COLGALT2: variants seen among roughly 807,000 people sequenced by gnomAD.
COLGALT2 encodes procollagen galactosyltransferase 2.
A neutral mutation model predicts 73.4 loss-of-function variants in COLGALT2; 49 were observed. The observed-to-expected ratio is 0.67, with a 90% CI of 0.53 to 0.85. The LOEUF (loss-of-function observed/expected upper bound fraction) is 0.85, where lower values mean the gene tolerates loss of function less well. Ranked by LOEUF, COLGALT2 falls within the 40% of genes least tolerant of loss-of-function variation. The pLI is 0.00. For synonymous variants in COLGALT2, 295 were observed against 307.6 expected, an observed-to-expected ratio of 0.96 and a Z score of 0.43; for missense variants, 722 against 790.2, an observed-to-expected ratio of 0.91 and a Z score of 1.03.
At chr1:184,006,172 A>G (rs1672074770) in intron 1 of COLGALT2, among the ~76,000 whole-genome samples, 1 of 152,222 alleles carries the variant, frequency 6.6e-6, no homozygotes, top group African/African-American at 2.4e-5. Context: ...TTCCACTCCC[A>G]TATGTTGAAC....
intron 1 of COLGALT2, among the ~76,000 whole-genome samples, chr1:184,011,491 C>T (rs1648786401): frequency 6.6e-6 from 1 of 152,226 alleles, no homozygotes; most frequent in Admixed American, 6.5e-5. Flanking sequence ...TCCTTGTTTA[C>T]TGCCATCTGC....
intron 1 of COLGALT2, among the ~76,000 whole-genome samples, chr1:184,009,076 A>G (rs1195322229): frequency 1.3e-5 from 2 of 152,262 alleles, no homozygotes; most frequent in Non-Finnish European, 2.9e-5. Context: ...TAGTACAATT[A>G]AAGAGAACTC....
chr1:183,949,550 C>T (rs998037983), intron 8 of COLGALT2, among the ~76,000 whole-genome samples: 15 of 152,136 alleles, frequency 9.9e-5, no homozygotes, highest in African/African-American at 3.6e-4. Flanking sequence ...ATATGGATCC[C>T]TGCCTCATGC....
At chr1:183,967,173 C>T (rs1454319968) in intron 5 of COLGALT2, among the ~76,000 whole-genome samples, 2 of 152,224 alleles carry the variant, frequency 1.3e-5, no homozygotes, top group African/African-American at 4.8e-5. Context: ...CCACAGTTGT[C>T]AAGAAAGACC....
rs1233010887 is a variant in COLGALT2 at position 183,940,598 on chromosome 1, C to T, written c.1587G>A (p.Met529Ile). ...AGACTCACACGGGATGCTTGTTGTA[C>T]ATGACTGGCAGAAACTCATCCACTG... Reference protein sequence around the residue: ...MLPVDEFLPVMYNKHPVAEYK... With the variant: ...MLPVDEFLPVIYNKHPVAEYK... The change falls in exon 11 of 12, where the codon ATG becomes ATA. Residue 529 changes from methionine to isoleucine, a missense_variant. Physicochemically the swap from Met to Ile is conservative, Grantham distance 10. Transcript: ENST00000361927. 1 of 1,614,218 alleles carries T rather than the reference C, an allele frequency of 6.2e-7. No individual in the cohort carries two copies. Among genetic ancestry groups the T allele is most frequent in the Non-Finnish European group, 8.5e-7 (1 of 1,180,040 alleles).
At chr1:184,008,999 A>C (rs1359106257) in intron 1 of COLGALT2, among the ~76,000 whole-genome samples, 1 of 152,240 alleles carries the variant, frequency 6.6e-6, no homozygotes, top group Non-Finnish European at 1.5e-5. Flanking sequence ...AAATTATTTC[A>C]AAATAAAAAG....
At chr1:183,978,379 T>C (rs1011927729) in intron 2 of COLGALT2, 31 bp downstream of exon 2, 5 of 1,212,950 alleles carry the variant, frequency 4.1e-6, no homozygotes, top group East Asian at 2.3e-5. Context: ...GGGTAAATAA[T>C]GAGTTTACAA....
intron 1 of COLGALT2, among the ~76,000 whole-genome samples, chr1:184,034,565 TC>T (rs1256243200): frequency 6.6e-6 from 1 of 152,204 alleles, no homozygotes; most frequent in Non-Finnish European, 1.5e-5. Flanking sequence ...ACACTTTTTT[TC>T]AGCCCTGATC....
At position 183,938,825 on chromosome 1, in the gene COLGALT2, T is replaced by C. The variant is rs1670033445; in HGVS notation, c.1817A>G (p.Lys606Arg). The C allele has an allele frequency of 6.2e-7, 1 of 1,614,214 alleles. No homozygotes were observed. Among genetic ancestry groups the C allele is most frequent in the East Asian group, 2.2e-5 (1 of 44,888 alleles). Reference sequence around the variant, plus strand: ...TGGCGGTGGCAGGGCCTCTGTGTTCTTGGCATTGCTGTAGATGCGGCTTTG... The same window carrying C: ...TGGCGGTGGCAGGGCCTCTGTGTTCCTGGCATTGCTGTAGATGCGGCTTTG... ...RKQSRIYSNAKNTEALPPPTS... is the reference protein window; with the variant it reads ...RKQSRIYSNARNTEALPPPTS... The change falls in exon 12 of 12, where the codon AAG (lysine) becomes AGG (arginine). Residue 606 changes from lysine to arginine, a missense_variant. Physicochemically the swap from Lys to Arg is conservative, Grantham distance 26 (BLOSUM62 2). Transcript: ENST00000361927.
intron 1 of COLGALT2, among the ~76,000 whole-genome samples, chr1:184,005,965 C>G (rs762241737): frequency 2.0e-4 from 31 of 152,270 alleles, no homozygotes; most frequent in Non-Finnish European, 3.8e-4. Context: ...AAGAAAAAAG[C>G]TCTTCCCCTG....
At chr1:183,972,991 G>A (rs1443958895) in intron 4 of COLGALT2, among the ~76,000 whole-genome samples, 4 of 152,268 alleles carry the variant, frequency 2.6e-5, no homozygotes, top group Non-Finnish European at 4.4e-5. Context: ...GAGCCACCGC[G>A]CCTGGCATAT....
chr1:184,018,938 G>T (rs1649089654), intron 1 of COLGALT2, among the ~76,000 whole-genome samples: 1 of 152,158 alleles, frequency 6.6e-6, no homozygotes, highest in African/African-American at 2.4e-5. Flanking sequence ...CCATACATCT[G>T]CCTAAAGCAA....
At chr1:183,989,480 T>C (rs1361237470) in intron 1 of COLGALT2, among the ~76,000 whole-genome samples, 1 of 152,198 alleles carries the variant, frequency 6.6e-6, no homozygotes, top group Non-Finnish European at 1.5e-5. Context: ...AGGATCTCCC[T>C]GCTCTATTCT....
intron 1 of COLGALT2, among the ~76,000 whole-genome samples, chr1:183,984,984 G>A (rs1401903271): frequency 6.6e-6 from 1 of 150,658 alleles, no homozygotes; most frequent in African/African-American, 2.4e-5. Flanking sequence ...AGGATGAGAC[G>A]CTTTACTGCT....
Position 183,955,828 on chromosome 1 carries a change from C to T in COLGALT2, c.953-990G>A, listed in dbSNP as rs373363048. Among the ~76,000 whole-genome samples the T allele has an allele frequency of 5.1e-4, 77 of 152,280 alleles. 2 individuals are homozygous for T. The highest frequency in any genetic ancestry group is 1.6e-3 in the African/African-American group (68 of 41,536). ...TGGGTAATGGCCATGACTACTGTAA[C>T]GTATCTGTTCACCTCTATTCCAGGC... On this transcript the variant is annotated intron_variant, in intron 6 of 11. Transcript: ENST00000361927.
At chr1:183,945,140 A>G (rs1026013134) in intron 9 of COLGALT2, among the ~76,000 whole-genome samples, 2 of 152,232 alleles carry the variant, frequency 1.3e-5, no homozygotes, top group African/African-American at 4.8e-5. Context: ...GTGATGTCAT[A>G]ATAGGTATAA....
chr1:184,032,146 G>A (rs1033980868), intron 1 of COLGALT2, among the ~76,000 whole-genome samples: 3 of 151,758 alleles, frequency 2.0e-5, no homozygotes, highest in Admixed American at 6.6e-5. Flanking sequence ...TGCCCACCTC[G>A]GCCCCCCAAA....
intron 1 of COLGALT2, among the ~76,000 whole-genome samples, chr1:184,016,912 T>C (rs1321895707): frequency 6.6e-6 from 1 of 152,216 alleles, no homozygotes; most frequent in Non-Finnish European, 1.5e-5. Flanking sequence ...TCTTTTTGTA[T>C]AGAAAGAAAA....
chr1:183,940,558 G>A lies in COLGALT2; in HGVS notation c.1604+23C>T, dbSNP rs185200430. Reference sequence around the variant, plus strand: ...ATGAAGAGGCTGTGCCCAAGGGAAGGCAGGCAGTTCAGGGAGACTCACACG... The same window carrying A: ...ATGAAGAGGCTGTGCCCAAGGGAAGACAGGCAGTTCAGGGAGACTCACACG... On this transcript the variant is annotated intron_variant, in intron 11 of 11. Coordinates refer to ENST00000361927, the MANE Select transcript of COLGALT2 (RefSeq NM_015101.4). 4.2e-3 allele frequency: 6,762 copies of A among 1,607,162 alleles called. 35 individuals are homozygous for A. Among genetic ancestry groups the A allele is most frequent in the Middle Eastern group, 0.013 (79 of 5,956 alleles).
Sources: allele counts gnomAD v4.1 joint callset (sites outside exome capture counted in the v4.1 genomes callset), GRCh38; gene constraint gnomAD v4.1.1; transcripts MANE v1.5; gene names NCBI Gene and HGNC (gene_info 2026-07-23, HGNC 2026-07-21).